The following MSRA variants were observed in gnomAD, a reference collection of about 807,000 sequenced individuals.
MSRA encodes the protein methionine sulfoxide reductase A.
In MSRA, 54 loss-of-function variants were observed where a neutral mutation model predicts 31.3. That is an observed-to-expected ratio of 1.73 (90% CI 1.39 to 2.17). The LOEUF is 2.17. MSRA is among the 30% of genes most tolerant of loss of function. MSRA has a pLI of 0.00. For missense variants in MSRA, 507 were observed against 300.9 expected (o/e 1.69, Z -5.07); for synonymous variants, 169 against 116.5 (o/e 1.45, Z -2.90).
intron 1 of MSRA, among the ~76,000 whole-genome samples, chr8:10,200,801 C>T (rs186135460): frequency 3.3e-5 from 5 of 152,168 alleles, no homozygotes; most frequent in African/African-American, 1.2e-4. Context: ...ACCTCAGTGC[C>T]CCTGGGCATG....
chr8:10,382,314 G>A (rs776925188), intron 5 of MSRA, among the ~76,000 whole-genome samples: 4 of 152,156 alleles, frequency 2.6e-5, no homozygotes, highest in Non-Finnish European at 5.9e-5. Flanking sequence ...CCTGCACTGC[G>A]GCTCTCTTGA....
rs578211025 is a variant in MSRA, at chr8:10,132,179, C to T, written c.143-75654C>T. 2.2e-3 allele frequency among the ~76,000 whole-genome samples: 329 copies of T among 152,280 alleles called. 2 individuals are homozygous for T. The highest frequency in any genetic ancestry group is 7.5e-3 in the African/African-American group (313 of 41,570). On this transcript the variant is annotated intron_variant, in intron 1 of 5. Coordinates refer to ENST00000317173, the MANE Select transcript of MSRA (RefSeq NM_012331.5). ...TCAATGAGGTGATATTGGTCCTGATCGTTCTGTAAATTGGAGATTTTGCCC... is the reference window on the plus strand; with the variant it reads ...TCAATGAGGTGATATTGGTCCTGATTGTTCTGTAAATTGGAGATTTTGCCC...
intron 5 of MSRA, among the ~76,000 whole-genome samples, chr8:10,340,632 C>A (rs1803367453): frequency 1.3e-5 from 2 of 152,248 alleles, no homozygotes; most frequent in Non-Finnish European, 2.9e-5. Context: ...CTCAGCCTCC[C>A]AAAGTGCTGG....
intron 4 of MSRA, among the ~76,000 whole-genome samples, chr8:10,316,943 G>T (rs1167482067): frequency 1.3e-5 from 2 of 152,162 alleles, no homozygotes; most frequent in Non-Finnish European, 2.9e-5. Flanking sequence ...AGCTCTCCCA[G>T]CAATGCCAGC....
chr8:10,342,523 G>A (rs1172689383), intron 5 of MSRA, among the ~76,000 whole-genome samples: 1 of 152,192 alleles, frequency 6.6e-6, no homozygotes, highest in Non-Finnish European at 1.5e-5. Context: ...GGGCCTCTGA[G>A]CCGCACGGAA....
At chr8:10,161,815 G>A (rs1340574535) in intron 1 of MSRA, among the ~76,000 whole-genome samples, 2 of 150,808 alleles carry the variant, frequency 1.3e-5, no homozygotes, top group African/African-American at 2.5e-5. Context: ...TGGGACCTTC[G>A]TGAATCCCGC....
intron 1 of MSRA, among the ~76,000 whole-genome samples, chr8:10,161,011 C>T (rs1385748345): frequency 6.6e-6 from 1 of 152,162 alleles, no homozygotes; most frequent in Non-Finnish European, 1.5e-5. Flanking sequence ...ATGTAAATAT[C>T]AAATGAATAA....
At chr8:10,320,880 A>G (rs1014154895) in intron 5 of MSRA, among the ~76,000 whole-genome samples, 1 of 152,120 alleles carries the variant, frequency 6.6e-6, no homozygotes, top group Non-Finnish European at 1.5e-5. Context: ...TTGTTTTTAA[A>G]CAGTCTCTAG....
At chr8:10,421,129 T>C (rs1808788737) in intron 5 of MSRA, among the ~76,000 whole-genome samples, 1 of 152,140 alleles carries the variant, frequency 6.6e-6, no homozygotes, top group South Asian at 2.1e-4. Context: ...TAGAGCTCCT[T>C]TGGGTATTTT....
intron 1 of MSRA, among the ~76,000 whole-genome samples, chr8:10,103,406 T>C (rs976549730): frequency 2.6e-5 from 4 of 152,210 alleles, no homozygotes; most frequent in Non-Finnish European, 2.9e-5. Context: ...TGCTGTAGCA[T>C]TGACAGTGAG....
chr8:10,145,569 G>C (rs1295204499), intron 1 of MSRA, among the ~76,000 whole-genome samples: 2 of 152,228 alleles, frequency 1.3e-5, no homozygotes, highest in Non-Finnish European at 2.9e-5. Context: ...CATCCACGGG[G>C]CGGGTGGCCT....
chr8:10,088,901 A>G (rs1056861703), intron 1 of MSRA, among the ~76,000 whole-genome samples: 7 of 152,242 alleles, frequency 4.6e-5, no homozygotes, highest in African/African-American at 1.7e-4. Flanking sequence ...AATATTACAT[A>G]ATCTCACTTA....
Position 10,174,860 on chromosome 8 carries a change from G to A in MSRA, c.143-32973G>A, listed in dbSNP as rs546958151. 2.0e-5 allele frequency among the ~76,000 whole-genome samples: 3 copies of A among 152,204 alleles called. No individual in the cohort carries two copies. In the East Asian group the frequency reaches 5.8e-4, roughly 29 times the overall value. On this transcript the variant is annotated intron_variant, in intron 1 of 5. Coordinates refer to ENST00000317173, the MANE Select transcript of MSRA (RefSeq NM_012331.5). The stretch of plus-strand genomic sequence containing the variant: ...CTCTTCACTTTCATCTCTTCAAATG[G>A]CATTTTATTCTGTCCTCTGGTGTCT...
chr8:10,274,186 G>T (rs1799197550), intron 3 of MSRA, among the ~76,000 whole-genome samples: 1 of 152,338 alleles, frequency 6.6e-6, no homozygotes, highest in East Asian at 1.9e-4. Context: ...TGGAACTCCT[G>T]TTACATTCAA....
At chr8:10,207,248 G>A (rs1809076580) in intron 1 of MSRA, among the ~76,000 whole-genome samples, 1 of 152,170 alleles carries the variant, frequency 6.6e-6, no homozygotes, top group African/African-American at 2.4e-5. Context: ...TGGGTGGGGG[G>A]ATAAGGAGCT....
chr8:10,146,743 C>T (rs949394792), intron 1 of MSRA, among the ~76,000 whole-genome samples: 35 of 152,116 alleles, frequency 2.3e-4, no homozygotes, highest in Non-Finnish European at 5.9e-5. Flanking sequence ...CTGATGAAAT[C>T]ACACTTTCTG....
chr8:10,098,441 C>T (rs189934736), intron 1 of MSRA, among the ~76,000 whole-genome samples: 2 of 152,276 alleles, frequency 1.3e-5, no homozygotes, highest in East Asian at 1.9e-4. Flanking sequence ...TTTATAATTA[C>T]TCGCTCATTT....
chr8:10,388,992 G>A (rs538209632), intron 5 of MSRA, among the ~76,000 whole-genome samples: 56 of 152,202 alleles, frequency 3.7e-4, no homozygotes, highest in African/African-American at 1.1e-3. Context: ...ATGGAGAATC[G>A]CCTGTTGACA....
chr8:10,230,802 G>T (rs966701375), intron 2 of MSRA, among the ~76,000 whole-genome samples: 3 of 152,086 alleles, frequency 2.0e-5, no homozygotes, highest in African/African-American at 7.2e-5. Context: ...GGTTTTAATT[G>T]AGATGGAGTT....
Sources: allele counts gnomAD v4.1 joint callset (sites outside exome capture counted in the v4.1 genomes callset), GRCh38; gene constraint gnomAD v4.1.1; transcripts MANE v1.5; gene names NCBI Gene and HGNC (gene_info 2026-07-23, HGNC 2026-07-21).